The following ZFR2 variants were observed in gnomAD, a reference collection of about 807,000 sequenced individuals.
The protein encoded by ZFR2 is zinc finger RNA binding protein 2.
A neutral mutation model predicts 105.7 loss-of-function variants in ZFR2; 104 were observed. The ratio of observed to expected loss-of-function variants is 0.98; its 90% CI spans 0.84 to 1.16. The LOEUF is 1.16. ZFR2 is among the 50% of genes most tolerant of loss of function. The probability of loss-of-function intolerance (pLI) is 0.00; values close to 1 mark genes in which losing one functional copy is unlikely to be tolerated. For synonymous variants in ZFR2, 634 were observed against 597.7 expected (o/e 1.06, Z -0.89); for missense variants, 1,425 against 1,355.5 (o/e 1.05, Z -0.80).
intron 1 of ZFR2, among the ~76,000 whole-genome samples, chr19:3,864,010 C>G (rs1416627892): frequency 6.6e-6 from 1 of 152,152 alleles, no homozygotes; most frequent in Non-Finnish European, 1.5e-5. Flanking sequence ...CCATCACTAA[C>G]AGAGTGTGAT....
chr19:3,808,179 G>T (rs921725829), intron 17 of ZFR2, among the ~76,000 whole-genome samples: 1 of 150,206 alleles, frequency 6.7e-6, no homozygotes, highest in Non-Finnish European at 1.5e-5. Context: ...GTGCCTGTGC[G>T]TGTGCATGCA....
At chr19:3,832,149 C>G (rs913193834) in intron 3 of ZFR2, among the ~76,000 whole-genome samples, 1 of 152,148 alleles carries the variant, frequency 6.6e-6, no homozygotes, top group African/African-American at 2.4e-5. Flanking sequence ...CCATCACCCA[C>G]AGAGCTCACC....
chr19:3,813,303 A>G lies in ZFR2; in HGVS notation c.2242+517T>C, dbSNP rs10403855. ...CCTGTCTTCGCTGTGGCCGCTGGCC[A>G]AGACCCTCGCTGCCCCTAGCCTGGC... On this transcript the variant is annotated intron_variant, in intron 14 of 18. Transcript: ENST00000262961. This position sits in a 1 kb window ranked among gnomAD's most constrained non-coding sequence, Gnocchi z 4.4. 0.13 allele frequency among the ~76,000 whole-genome samples: 19,467 copies of G among 152,190 alleles called. 4,224 individuals carry two copies. The highest frequency in any genetic ancestry group is 0.44 in the African/African-American group (18,440 of 41,452).
At chr19:3,806,548 C>T (rs572736066) in intron 18 of ZFR2, among the ~76,000 whole-genome samples, 3 of 152,230 alleles carry the variant, frequency 2.0e-5, no homozygotes, top group African/African-American at 7.2e-5. Flanking sequence ...GCGTGAGCCA[C>T]CCGGCCCGGC....
chr19:3,808,291 C>T (rs2037725052), intron 17 of ZFR2, among the ~76,000 whole-genome samples: 1 of 152,206 alleles, frequency 6.6e-6, no homozygotes, highest in African/African-American at 2.4e-5. Flanking sequence ...GTGTGCTTTA[C>T]ATGATGGCCC....
At chr19:3,814,117 G>A (rs1477466040) in intron 13 of ZFR2, among the ~76,000 whole-genome samples, 159 bp from the exon 14 acceptor site, 1 of 152,150 alleles carries the variant, frequency 6.6e-6, no homozygotes, top group Non-Finnish European at 1.5e-5. Context: ...GAACCTCCAA[G>A]TGACCAAGAC....
At chr19:3,808,134 TATGTGTGCCC>T (rs2037722127) in intron 17 of ZFR2, among the ~76,000 whole-genome samples, 1 of 144,534 alleles carries the variant, frequency 6.9e-6, no homozygotes, top group Non-Finnish European at 1.5e-5. Context: ...TGCCCGTGCG[TATGTGTGCCC>T]GTGTGTGCAA....
At chr19:3,846,775 T>C (rs2038188493) in intron 1 of ZFR2, among the ~76,000 whole-genome samples, 1 of 152,264 alleles carries the variant, frequency 6.6e-6, no homozygotes, top group South Asian at 2.1e-4. Flanking sequence ...AATATACTTC[T>C]ACAGAAAAGA....
intron 1 of ZFR2, among the ~76,000 whole-genome samples, chr19:3,860,486 G>C (rs1405587368): frequency 6.6e-6 from 1 of 152,212 alleles, no homozygotes; most frequent in Non-Finnish European, 1.5e-5. Flanking sequence ...TTGGATTCCA[G>C]AGCCTGGGCG....
Position 3,834,658 on chromosome 19 carries a change from A to G in ZFR2, c.264+115T>C. On this transcript the variant is annotated intron_variant, in intron 2 of 18. Transcript: ENST00000262961. This position sits in a 1 kb window ranked among gnomAD's most constrained non-coding sequence, Gnocchi z 5.3. Reference sequence around the variant, plus strand: ...ATGCCAGCAGAAGGGTCCCGAAGGAAGGATCACGGTTAAGAGGCCTGGGAG... The same window carrying G: ...ATGCCAGCAGAAGGGTCCCGAAGGAGGGATCACGGTTAAGAGGCCTGGGAG... 1 of 1,135,102 alleles carries G rather than the reference A, an allele frequency of 8.8e-7. No individual in the cohort carries two copies. Among genetic ancestry groups the G allele is most frequent in the South Asian group, 1.3e-5 (1 of 74,260 alleles). The allele number at this position is 1,135,102 out of a possible 1,614,324, so 70.3% of individuals were successfully genotyped here. A position where few individuals can be genotyped will look rare whatever the true frequency, so the allele number is the denominator to read the frequency against.
At chr19:3,810,918 T>C (rs1599219392) in intron 15 of ZFR2, 73 bp from the exon 16 acceptor site, 6 of 1,495,456 alleles carry the variant, frequency 4.0e-6, no homozygotes, top group Middle Eastern at 1.7e-4. Context: ...GGCTCTGTCG[T>C]GAGCGTGAAC....
intron 12 of ZFR2, 95 bp from the exon 13 acceptor site, chr19:3,816,940 C>T (rs945938412): frequency 2.5e-6 from 3 of 1,188,922 alleles, no homozygotes; most frequent in African/African-American, 1.5e-5. Context: ...CTGCAAGTTA[C>T]AGAGCCTCTC....
Position 3,834,646 on chromosome 19 carries a change from GGTCCCGAA to G in ZFR2, c.264+119_264+126del. 3 of 1,020,774 alleles carry G rather than the reference GGTCCCGAA, an allele frequency of 2.9e-6. No homozygotes were observed. Among genetic ancestry groups the G allele is most frequent in the Non-Finnish European group, 4.4e-6 (3 of 686,868 alleles). 63.2% of individuals were successfully genotyped at this position (1,020,774 alleles called of 1,614,324 possible). A position where few individuals can be genotyped will look rare whatever the true frequency, so the allele number is the denominator to read the frequency against. The stretch of plus-strand genomic sequence containing the variant: ...CACGGGTACGCAATGCCAGCAGAAG[GGTCCCGAA>G]GGAAGGATCACGGTTAAGAGGCCTG... On this transcript the variant is annotated intron_variant, in intron 2 of 18. Coordinates refer to ENST00000262961, the MANE Select transcript of ZFR2 (RefSeq NM_015174.2). This position sits in a 1 kb window ranked among gnomAD's most constrained non-coding sequence, Gnocchi z 5.3.
At chr19:3,809,769 C>A (rs1254311775) in intron 16 of ZFR2, among the ~76,000 whole-genome samples, 1 of 151,918 alleles carries the variant, frequency 6.6e-6, no homozygotes, top group African/African-American at 2.4e-5. Flanking sequence ...CATGGCGAAA[C>A]CCCATCTCTA....
intron 1 of ZFR2, among the ~76,000 whole-genome samples, chr19:3,868,626 C>A (rs2038462175): frequency 6.7e-6 from 1 of 148,358 alleles, no homozygotes; most frequent in Admixed American, 6.7e-5. Context: ...CTCCTCGTGG[C>A]GCCCCCATCA....
intron 1 of ZFR2, among the ~76,000 whole-genome samples, chr19:3,851,508 C>T (rs900910258): frequency 6.6e-6 from 1 of 152,190 alleles, no homozygotes; most frequent in Non-Finnish European, 1.5e-5. Context: ...TTCCACTAAG[C>T]ATGCTTACAC....
At chr19:3,856,532 A>G (rs2038303891) in intron 1 of ZFR2, among the ~76,000 whole-genome samples, 2 of 152,112 alleles carry the variant, frequency 1.3e-5, no homozygotes, top group Admixed American at 6.6e-5. Context: ...CCACCCCAAA[A>G]AGAAACCTGT....
At chr19:3,809,459 C>T (rs1445546613) in intron 16 of ZFR2, among the ~76,000 whole-genome samples, 1 of 152,132 alleles carries the variant, frequency 6.6e-6, no homozygotes, top group Admixed American at 6.6e-5. Context: ...GGCCAGTTCC[C>T]GAGGGCACGA....
intron 16 of ZFR2, among the ~76,000 whole-genome samples, chr19:3,809,672 G>A (rs769494398): frequency 4.6e-5 from 7 of 152,214 alleles, no homozygotes; most frequent in South Asian, 4.1e-4. Flanking sequence ...GGTCCGGCGC[G>A]GTGGCTCATG....
Sources: allele counts gnomAD v4.1 joint callset (sites outside exome capture counted in the v4.1 genomes callset), GRCh38; gene constraint gnomAD v4.1.1; non-coding constraint Gnocchi (gnomAD v3.1); transcripts MANE v1.5; gene names NCBI Gene and HGNC (gene_info 2026-07-23, HGNC 2026-07-21).